HTT: variants seen among roughly 807,000 people sequenced by gnomAD.
HTT encodes the protein huntingtin.
In HTT, 104 loss-of-function variants were observed where a neutral mutation model predicts 362.3. That is an observed-to-expected ratio of 0.29 (90% CI 0.24 to 0.34). HTT has a LOEUF of 0.34. Among genes scored for constraint, HTT ranks in the 10% least tolerant of loss-of-function variants. The probability of loss-of-function intolerance (pLI) is 1.00; values close to 1 mark genes in which losing one functional copy is unlikely to be tolerated. For synonymous variants in HTT, 1,577 were observed against 1,548.7 expected, an observed-to-expected ratio of 1.02 and a Z score of -0.43; for missense variants, 3,301 against 3,928.6, an observed-to-expected ratio of 0.84 and a Z score of 4.27.
chr4:3,099,763 T>C (rs935726392), intron 3 of HTT, among the ~76,000 whole-genome samples: 7 of 151,344 alleles, frequency 4.6e-5, no homozygotes, highest in African/African-American at 1.7e-4. Flanking sequence ...GGAAGTGCTC[T>C]TGTATGGTTT....
intron 2 of HTT, among the ~76,000 whole-genome samples, chr4:3,093,395 A>G (rs1453461560): frequency 6.6e-6 from 1 of 152,214 alleles, no homozygotes; most frequent in Non-Finnish European, 1.5e-5. Flanking sequence ...CGCAACAAAA[A>G]TAATATATTT....
intron 37 of HTT, among the ~76,000 whole-genome samples, chr4:3,184,481 T>C (rs1270766476): frequency 1.3e-5 from 2 of 151,858 alleles, no homozygotes; most frequent in African/African-American, 4.8e-5. Flanking sequence ...GGGCCACCCA[T>C]GTGAGACCCG....
intron 37 of HTT, among the ~76,000 whole-genome samples, chr4:3,184,373 G>A (rs1184312595): frequency 4.0e-5 from 6 of 151,804 alleles, no homozygotes; most frequent in Non-Finnish European, 7.4e-5. Flanking sequence ...GTGTGGAGGA[G>A]CCTTGAGAGG....
chr4:3,230,203 G>C (rs867623994), intron 60 of HTT, among the ~76,000 whole-genome samples, 161 bp downstream of exon 60: 9 of 152,252 alleles, frequency 5.9e-5, no homozygotes, highest in Admixed American at 2.0e-4. Context: ...CTTCTCAGAT[G>C]GAGGGGGTTC....
chr4:3,239,130 A>G (rs950884791), intron 66 of HTT, 152 bp downstream of exon 66: 8 of 821,194 alleles, frequency 9.7e-6, no homozygotes, highest in African/African-American at 3.5e-5. Flanking sequence ...AAATGCTGAC[A>G]GGGGTACAGA....
chr4:3,150,894 C>G (rs949071055), intron 26 of HTT, among the ~76,000 whole-genome samples: 4 of 152,112 alleles, frequency 2.6e-5, no homozygotes, highest in Non-Finnish European at 5.9e-5. Context: ...AAAAAATTAG[C>G]CGGGTGTGGT....
At chr4:3,236,293 C>A in intron 64 of HTT, 39 bp downstream of exon 64, 1 of 1,414,606 alleles carries the variant, frequency 7.1e-7, no homozygotes, top group Non-Finnish European at 1.0e-6. Flanking sequence ...GTTAGCTTCC[C>A]TAGAACTTTG....
chr4:3,148,990 G>A (rs1255009032), intron 26 of HTT, among the ~76,000 whole-genome samples: 4 of 152,218 alleles, frequency 2.6e-5, no homozygotes, highest in Non-Finnish European at 5.9e-5. Flanking sequence ...GTGTTTTATA[G>A]CTCTTTTAGT....
intron 5 of HTT, among the ~76,000 whole-genome samples, chr4:3,106,931 C>T (rs1405723404): frequency 1.3e-5 from 2 of 152,190 alleles, no homozygotes; most frequent in Non-Finnish European, 2.9e-5. Flanking sequence ...TTTTATAATT[C>T]TCCTTTTTCA....
intron 2 of HTT, among the ~76,000 whole-genome samples, chr4:3,096,718 TG>T: frequency 1.3e-5 from 2 of 152,292 alleles, no homozygotes; most frequent in East Asian, 3.9e-4. Context: ...GCATAGTAAA[TG>T]GAAATTTCTA....
At chr4:3,208,718 C>G in intron 45 of HTT, 55 bp from the exon 46 acceptor site, 2 of 1,154,292 alleles carry the variant, frequency 1.7e-6, no homozygotes, top group Non-Finnish European at 2.4e-6. Flanking sequence ...TAGACTAAGA[C>G]TAAAAAAAAA....
At chr4:3,165,783 T>C (rs955820545) in intron 29 of HTT, among the ~76,000 whole-genome samples, 7 of 152,228 alleles carry the variant, frequency 4.6e-5, no homozygotes, top group Non-Finnish European at 2.9e-5. Context: ...AGCTCTTCTC[T>C]ACACTGGTTA....
rs1237620570 is a variant in HTT at position 3,225,714 on chromosome 4, C to G, written c.7819C>G (p.Leu2607Val). The change falls in exon 57 of 67, where the codon CTG (leucine) becomes GTG (valine). Residue 2607 changes from leucine (L) to valine (V), a missense_variant. By Grantham distance (32) the Leu-to-Val change is conservative. This residue lies in a region of HTT where 753 missense variants were observed against 1,021.3 expected (regional missense o/e 0.74). Transcript: ENST00000355072. ...LLLQINPERE[L>V]GSMSYKLGQV... ...GCTACAGATCAACCCCGAGCGGGAG[C>G]TGGGGAGCATGAGCTACAAACTCGG... is the stretch of plus-strand genomic sequence containing the variant. The G allele has an allele frequency of 6.2e-7, 1 of 1,614,108 alleles. No individual in the cohort carries two copies.
chr4:3,199,512 C>A (rs1719427828), intron 40 of HTT, among the ~76,000 whole-genome samples: 1 of 151,136 alleles, frequency 6.6e-6, no homozygotes, highest in African/African-American at 2.4e-5. Flanking sequence ...TGCACTCCAA[C>A]CTGGGCAACA....
intron 26 of HTT, among the ~76,000 whole-genome samples, chr4:3,149,934 C>T (rs1212164128): frequency 6.6e-6 from 1 of 152,238 alleles, no homozygotes; most frequent in African/African-American, 2.4e-5. Context: ...CTTTACATCT[C>T]TGGGCACTGC....
Position 3,116,083 on chromosome 4 carries a change from A to G in HTT, c.890-2A>G. On this transcript the variant is annotated splice_acceptor_variant, in intron 7 of 66. Transcript: ENST00000355072. LOFTEE classifies it high-confidence loss of function. ...TAAGATGTCTTGCTTCCACCCCCAC[A>G]GGCTTACTCGTTCCTGTCGAGGATG... 6.2e-7 allele frequency: 1 copy of G among 1,601,440 alleles called. No homozygotes were observed. The highest frequency in any genetic ancestry group is 8.5e-7 in the Non-Finnish European group (1 of 1,170,560).
At chr4:3,237,809 A>G (rs932495693) in intron 64 of HTT, among the ~76,000 whole-genome samples, 1 of 152,094 alleles carries the variant, frequency 6.6e-6, no homozygotes, top group Admixed American at 6.6e-5. Context: ...TTCAGCACTG[A>G]AAGGGATACT....
At chr4:3,229,127 C>T (rs906856193) in intron 59 of HTT, 118 bp downstream of exon 59, 3 of 971,966 alleles carry the variant, frequency 3.1e-6, no homozygotes, top group Middle Eastern at 3.1e-4. Context: ...ACCCCTCATG[C>T]ATGCAACACA....
In HTT at chr4:3,152,101, A is replaced by ATT. The variant is rs35557405; in HGVS notation, c.3499-2178_3499-2177dup. Among the ~76,000 whole-genome samples the ATT allele has an allele frequency of 1.8e-3, 250 of 139,508 alleles. 1 individual carries two copies. The highest frequency in any genetic ancestry group is 2.4e-3 in the Non-Finnish European group (152 of 64,554). 91.5% of individuals were successfully genotyped at this position (139,508 alleles called of 152,430 possible). The stretch of plus-strand genomic sequence containing the variant: ...CCCACCATGCCCAGCTAATTTTTTG[A>ATT]TTTTTTTTTTTTTTTGAGACAGAGT... On this transcript the variant is annotated intron_variant, in intron 26 of 66. Transcript: ENST00000355072.
Sources: gnomAD v4.1 joint callset for allele counts (sites outside exome capture counted in the v4.1 genomes callset) on GRCh38, gnomAD v4.1.1 for gene constraint, gnomAD v4.1.1 regional missense constraint, MANE v1.5 for transcripts, NCBI Gene and HGNC (gene_info 2026-07-23, HGNC 2026-07-21) for gene names.